Variants in LARP1B observed in about 807,000 individuals in gnomAD.
The protein encoded by LARP1B is La ribonucleoprotein 1B.
In LARP1B, 76 loss-of-function variants were observed where a neutral mutation model predicts 114.2. The ratio of observed to expected loss-of-function variants is 0.67; its 90% CI spans 0.55 to 0.81. The LOEUF (loss-of-function observed/expected upper bound fraction) is 0.81, where lower values mean the gene tolerates loss of function less well. LARP1B is among the 30% of genes least tolerant of loss of function. The pLI, the probability that LARP1B is intolerant of heterozygous loss-of-function variation, is 0.00. For synonymous variants in LARP1B, 345 were observed against 348.0 expected, an observed-to-expected ratio of 0.99 and a Z score of 0.10; for missense variants, 1,014 against 1,075.8, an observed-to-expected ratio of 0.94 and a Z score of 0.80.
chr4:128,176,850 G>A (rs751323679), intron 12 of LARP1B, 22 bp from the exon 13 acceptor site: 1 of 1,611,580 alleles, frequency 6.2e-7, no homozygotes, highest in Non-Finnish European at 8.5e-7. Context: ...CACAAAAAGG[G>A]ACTAATTAAC....
chr4:128,185,775 A>G (rs1362676070), intron 15 of LARP1B, among the ~76,000 whole-genome samples: 2 of 152,100 alleles, frequency 1.3e-5, no homozygotes, highest in South Asian at 2.1e-4. Flanking sequence ...CCAATGGCCT[A>G]GAGTGTTTTC....
At chr4:128,077,083 G>A (rs574449370) in intron 3 of LARP1B, among the ~76,000 whole-genome samples, 2 of 152,114 alleles carry the variant, frequency 1.3e-5, no homozygotes, top group African/African-American at 4.8e-5. Flanking sequence ...TCTAATAAAT[G>A]AGGAGTGGTA....
At chr4:128,137,422 G>T (rs1435346938) in intron 11 of LARP1B, among the ~76,000 whole-genome samples, 1 of 152,136 alleles carries the variant, frequency 6.6e-6, no homozygotes, top group Admixed American at 6.6e-5. Flanking sequence ...TCATGTGGCA[G>T]AGGGGAAGAA....
chr4:128,181,836 C>T (rs778102226), intron 15 of LARP1B, among the ~76,000 whole-genome samples: 8 of 137,472 alleles, frequency 5.8e-5, no homozygotes, highest in African/African-American at 8.4e-5. Context: ...GACGAAGTCT[C>T]GCTCTGTCGC....
chr4:128,127,372 AAATG>A (rs1238274033), intron 11 of LARP1B, among the ~76,000 whole-genome samples: 1 of 152,244 alleles, frequency 6.6e-6, no homozygotes, highest in Non-Finnish European at 1.5e-5. Flanking sequence ...AGAGAGCAGT[AAATG>A]AATCTAATAT....
intron 11 of LARP1B, chr4:128,156,125 C>T: frequency 6.2e-7 from 1 of 1,610,668 alleles, no homozygotes; most frequent in South Asian, 1.1e-5. Flanking sequence ...CCCTGTGCCT[C>T]AGCTCATCAC....
chr4:128,153,550 C>T (rs1231524798), intron 11 of LARP1B, among the ~76,000 whole-genome samples: 2 of 152,012 alleles, frequency 1.3e-5, no homozygotes, highest in African/African-American at 4.8e-5. Flanking sequence ...GTGATCCATC[C>T]GCCTTGGCCT....
intron 11 of LARP1B, among the ~76,000 whole-genome samples, chr4:128,141,475 C>A (rs1728076481): frequency 6.6e-6 from 1 of 152,204 alleles, no homozygotes; most frequent in South Asian, 2.1e-4. Flanking sequence ...TTATCTCCAA[C>A]ATTTTAGGAA....
At position 128,210,782 on chromosome 4, in the gene LARP1B, A is replaced by T; in HGVS notation, c.*729A>T. ...AGTTTTCTGAATTGGCTATAAGCTG[A>T]TTACATATTAGAGGTTTATTTTTAT... On this transcript the variant is annotated 3_prime_UTR_variant, in exon 20 of 20. Transcript: ENST00000326639. The T allele has an allele frequency of 3.0e-6, 3 of 984,000 alleles. No individual in the cohort carries two copies. The highest frequency in any genetic ancestry group is 3.6e-6 in the Non-Finnish European group (3 of 828,670). 61.0% of individuals were successfully genotyped at this position (984,000 alleles called of 1,614,324 possible).
At position 128,104,841 on chromosome 4, in the gene LARP1B, T is replaced by C. The variant is rs139241041; in HGVS notation, c.814-2298T>C. The stretch of plus-strand genomic sequence containing the variant: ...CTGTGAACGTTGTCATAGATATTTC[T>C]GGGTGAACATAAGCATTTATTTTCC... On this transcript the variant is annotated intron_variant, in intron 8 of 19. Coordinates refer to ENST00000326639, the MANE Select transcript of LARP1B (RefSeq NM_018078.4). Among the ~76,000 whole-genome samples, 15 of 152,320 alleles carry C rather than the reference T, an allele frequency of 9.8e-5. No homozygotes were observed. The East Asian group carries it at 2.5e-3, about 25-fold the overall frequency.
chr4:128,128,304 C>G (rs918363377), intron 11 of LARP1B, among the ~76,000 whole-genome samples: 3 of 152,096 alleles, frequency 2.0e-5, no homozygotes, highest in Non-Finnish European at 4.4e-5. Context: ...TTTTGAATCT[C>G]AAAGGACACT....
At chr4:128,186,181 A>C (rs1750278520) in intron 15 of LARP1B, among the ~76,000 whole-genome samples, 1 of 147,438 alleles carries the variant, frequency 6.8e-6, no homozygotes, top group Non-Finnish European at 1.5e-5. Context: ...GTTCTGTATA[A>C]ATTTTAGGAT....
downstream of LARP1B, among the ~76,000 whole-genome samples, chr4:128,213,946 G>A (rs1409102894): frequency 6.6e-6 from 1 of 151,886 alleles, no homozygotes; most frequent in Non-Finnish European, 1.5e-5. Flanking sequence ...GTGTGTGCGT[G>A]CACCGTGCGC....
chr4:128,191,095 A>G (rs997772069), intron 15 of LARP1B, among the ~76,000 whole-genome samples: 1 of 143,978 alleles, frequency 6.9e-6, no homozygotes, highest in Non-Finnish European at 1.5e-5. Context: ...CAGAAAACGT[A>G]TTTCTGAGTT....
chr4:128,061,962 C>G, intron 1 of LARP1B: 1 of 985,204 alleles, frequency 1.0e-6, no homozygotes, highest in Non-Finnish European at 1.2e-6. Context: ...CTGCACCTGG[C>G]GCACAAGGCG....
intron 5 of LARP1B, among the ~76,000 whole-genome samples, chr4:128,087,806 G>A (rs910996511): frequency 6.6e-6 from 1 of 151,784 alleles, no homozygotes; most frequent in African/African-American, 2.4e-5. Flanking sequence ...TTGAGCCTGC[G>A]AATTTGGGGC....
At chr4:128,118,036 C>T (rs1396305239) in intron 10 of LARP1B, among the ~76,000 whole-genome samples, 3 of 149,948 alleles carry the variant, frequency 2.0e-5, no homozygotes, top group Non-Finnish European at 3.0e-5. Context: ...CTGCTTCAGC[C>T]TCCCAAGTAG....
In LARP1B at chr4:128,144,238, C is replaced by G. The variant is rs75340936; in HGVS notation, c.1525-17956C>G. ...CCCCTTGTATGTAATGTGTTGTTTT[C>G]CCCTCTGGCTTTCAAGATTTTTACT... On this transcript the variant is annotated intron_variant, in intron 11 of 19. Coordinates refer to ENST00000326639, the MANE Select transcript of LARP1B (RefSeq NM_018078.4). Among the ~76,000 whole-genome samples the G allele has an allele frequency of 3.0e-3, 461 of 152,214 alleles. 4 individuals are homozygous for G. Among genetic ancestry groups the G allele is most frequent in the African/African-American group, 0.011 (443 of 41,520 alleles).
chr4:128,195,340 C>G (rs888498802), intron 15 of LARP1B, among the ~76,000 whole-genome samples: 1 of 152,096 alleles, frequency 6.6e-6, no homozygotes, highest in Non-Finnish European at 1.5e-5. Flanking sequence ...AATTCTTTAT[C>G]TCTCATTGTT....
Sources: allele counts gnomAD v4.1 joint callset (sites outside exome capture counted in the v4.1 genomes callset), GRCh38; gene constraint gnomAD v4.1.1; transcripts MANE v1.5; gene names NCBI Gene and HGNC (gene_info 2026-07-23, HGNC 2026-07-21).